The following ADGRV1 variants were observed in gnomAD, a reference collection of about 807,000 sequenced individuals.
The protein encoded by ADGRV1 is adhesion G protein-coupled receptor V1, also known as G-protein coupled receptor 98.
Under a neutral mutation model 596.2 loss-of-function variants are expected in ADGRV1, and 359 were observed. The ratio of observed to expected loss-of-function variants is 0.60; its 90% CI spans 0.55 to 0.66. The LOEUF is 0.66. Among genes scored for constraint, ADGRV1 ranks in the 30% least tolerant of loss-of-function variants. The pLI is 0.00. For missense variants in ADGRV1, 7,274 were observed against 7,575.6 expected (o/e 0.96, Z 1.48); for synonymous variants, 2,681 against 2,679.2 (o/e 1.00, Z -0.02).
chr5:91,049,997 A>G (rs1206970573), intron 85 of ADGRV1, among the ~76,000 whole-genome samples: 1 of 152,228 alleles, frequency 6.6e-6, no homozygotes, highest in East Asian at 1.9e-4. Flanking sequence ...GACATGAGTC[A>G]TGTGCGGGCC....
chr5:90,666,779 T>C (rs1771490807), intron 21 of ADGRV1, among the ~76,000 whole-genome samples: 1 of 151,956 alleles, frequency 6.6e-6, no homozygotes, highest in Non-Finnish European at 1.5e-5. Context: ...TAGCGCTTCC[T>C]TCAGGAGCTC....
At position 90,718,595 on chromosome 5, in the gene ADGRV1, A is replaced by G. The variant is rs543278719; in HGVS notation, c.9448-1453A>G. Reference sequence around the variant, plus strand: ...AATGATCATTTTATGTAACTTCAGCACATTTGCAAATGCATATTCATTGTC... The same window carrying G: ...AATGATCATTTTATGTAACTTCAGCGCATTTGCAAATGCATATTCATTGTC... On this transcript the variant is annotated intron_variant, in intron 43 of 89. Coordinates refer to ENST00000405460, the MANE Select transcript of ADGRV1 (RefSeq NM_032119.4). Among the ~76,000 whole-genome samples the G allele has an allele frequency of 1.2e-4, 18 of 152,262 alleles. No homozygotes were observed. In the South Asian group the frequency reaches 2.5e-3, roughly 21 times the overall value.
At chr5:90,852,699 G>C (rs13159353) in intron 79 of ADGRV1, among the ~76,000 whole-genome samples, 54,456 of 152,018 alleles carry the variant, frequency 0.36, 10,132 homozygotes, top group Non-Finnish European at 0.42. Context: ...CTGAGCCCAG[G>C]CTCTTATTAT....
At chr5:90,650,908 G>A (rs1435934526) in intron 17 of ADGRV1, among the ~76,000 whole-genome samples, 1 of 152,150 alleles carries the variant, frequency 6.6e-6, no homozygotes, top group Non-Finnish European at 1.5e-5. Context: ...GAGTGAAGAT[G>A]GGAAGGACTT....
At chr5:90,581,168 G>GT (rs1259729842) in intron 1 of ADGRV1, among the ~76,000 whole-genome samples, 1 of 152,080 alleles carries the variant, frequency 6.6e-6, no homozygotes, top group Non-Finnish European at 1.5e-5. Flanking sequence ...CTTTTTTCAA[G>GT]TTTTTTTAGC....
intron 1 of ADGRV1, among the ~76,000 whole-genome samples, chr5:90,578,043 T>C (rs996253274): frequency 6.6e-6 from 1 of 152,184 alleles, no homozygotes; most frequent in African/African-American, 2.4e-5. Flanking sequence ...AAATATACAA[T>C]CATGTCATCT....
chr5:90,747,305 G>A (rs1207412167), intron 52 of ADGRV1, among the ~76,000 whole-genome samples: 5 of 152,120 alleles, frequency 3.3e-5, no homozygotes, highest in African/African-American at 1.2e-4. Context: ...TAGGGGATGA[G>A]GTTCAACAGG....
intron 83 of ADGRV1, among the ~76,000 whole-genome samples, chr5:90,906,077 C>A (rs1357579109): frequency 6.6e-6 from 1 of 152,064 alleles, no homozygotes; most frequent in African/African-American, 2.4e-5. Context: ...CAAGATAAAT[C>A]CCACTTGACC....
intron 1 of ADGRV1, among the ~76,000 whole-genome samples, chr5:90,588,870 A>G (rs1396997065): frequency 6.6e-6 from 1 of 152,186 alleles, no homozygotes; most frequent in Non-Finnish European, 1.5e-5. Flanking sequence ...GTTGAAGTAA[A>G]CCAATTCATT....
chr5:90,595,380 G>GT (rs1760233975), intron 1 of ADGRV1, among the ~76,000 whole-genome samples: 2 of 36,690 alleles, frequency 5.5e-5, no homozygotes, highest in Non-Finnish European at 1.1e-4. Context: ...GGCTGGCCGG[G>GT]TGGGGGGCTG....
At chr5:90,911,336 CT>C (rs1772870916) in intron 83 of ADGRV1, among the ~76,000 whole-genome samples, 1 of 152,120 alleles carries the variant, frequency 6.6e-6, no homozygotes, top group African/African-American at 2.4e-5. Context: ...CTTTTGAACT[CT>C]TTCGTATTCT....
chr5:90,805,267 G>A lies in ADGRV1; in HGVS notation c.14662-17G>A. Reference sequence around the variant, plus strand: ...TTTAGAGAGAAATAAAATACTCTAAGCATGATTTTCCCTCAGGTCGGATTT... The same window carrying A: ...TTTAGAGAGAAATAAAATACTCTAAACATGATTTTCCCTCAGGTCGGATTT... On this transcript the variant is annotated splice_polypyrimidine_tract_variant and intron_variant, in intron 71 of 89. Transcript: ENST00000405460. 2 of 1,603,708 alleles carry A rather than the reference G, an allele frequency of 1.2e-6. No homozygotes were observed. The highest frequency in any genetic ancestry group is 1.7e-6 in the Non-Finnish European group (2 of 1,171,716).
rs951169584 is a variant in ADGRV1 at position 90,728,930 on chromosome 5, C to G, written c.10423C>G (p.Leu3475Val). The G allele has an allele frequency of 1.9e-6, 3 of 1,600,758 alleles. No homozygotes were observed. The highest frequency in any genetic ancestry group is 2.2e-5 in the South Asian group (2 of 90,410). The change falls in exon 49 of 90, where the codon CTA (leucine) becomes GTA (valine). Residue 3475 changes from leucine to valine, a missense_variant. Around this residue, in one of 5 missense-constraint regions of ADGRV1, gnomAD observed 3,643 missense variants for 3,809.2 expected, o/e 0.96. Coordinates refer to ENST00000405460, the MANE Select transcript of ADGRV1 (RefSeq NM_032119.4). ...IYLIFAENVF[L>V]GDQNSIDIFI... Reference sequence around the variant, plus strand: ...CCTAATATTTGCCGAAAATGTCTTTCTAGGTGAGAAGATAAAGTATTTGTA... The same window carrying G: ...CCTAATATTTGCCGAAAATGTCTTTGTAGGTGAGAAGATAAAGTATTTGTA...
intron 5 of ADGRV1, among the ~76,000 whole-genome samples, chr5:90,624,683 T>A (rs1219080507): frequency 6.6e-6 from 1 of 152,212 alleles, no homozygotes; most frequent in Admixed American, 6.5e-5. Context: ...CTGTGTTCAC[T>A]GCTAAATCTT....
intron 86 of ADGRV1, among the ~76,000 whole-genome samples, chr5:91,100,723 C>A (rs1228909666): frequency 6.6e-6 from 1 of 152,138 alleles, no homozygotes; most frequent in African/African-American, 2.4e-5. Flanking sequence ...ATTTGTGCAG[C>A]CATCATCTTA....
rs1756718489 is a variant in ADGRV1, at chr5:90,763,345, C to T, written c.12161C>T (p.Ser4054Leu). ...DESLSSDDPD[S>L]YVTLTVVRSP... ...TCCCTTTCATCCGATGACCCTGATTCATATGTGACATTGACGGTTGTCCGG... is the reference window on the plus strand; with the variant it reads ...TCCCTTTCATCCGATGACCCTGATTTATATGTGACATTGACGGTTGTCCGG... The change falls in exon 59 of 90, where the codon TCA becomes TTA. Residue 4054 changes from serine (S) to leucine (L), a missense_variant. Physicochemically the swap from Ser to Leu is moderately radical, Grantham distance 145 (BLOSUM62 -2). Transcript: ENST00000405460. The T allele has an allele frequency of 1.2e-6, 2 of 1,609,156 alleles. No homozygotes were observed. Among genetic ancestry groups the T allele is most frequent in the Non-Finnish European group, 1.7e-6 (2 of 1,176,656 alleles).
chr5:90,869,009 G>A (rs535967509), intron 83 of ADGRV1, among the ~76,000 whole-genome samples: 145 of 152,110 alleles, frequency 9.5e-4, no homozygotes, highest in African/African-American at 2.4e-3. Flanking sequence ...TTAAGATTGC[G>A]CAATGAGAAA....
intron 78 of ADGRV1, among the ~76,000 whole-genome samples, chr5:90,843,889 A>G (rs1026057888): frequency 3.9e-5 from 6 of 152,216 alleles, no homozygotes; most frequent in Admixed American, 6.5e-5. Context: ...TACATATTTT[A>G]TATTTTAAGC....
intron 58 of ADGRV1, chr5:90,762,664 T>G (rs1222186891): frequency 2.0e-5 from 3 of 152,170 alleles, no homozygotes; most frequent in Non-Finnish European, 2.9e-5. Context: ...TCTCCTCTCT[T>G]TATCTCAGAT....
Sources: allele counts gnomAD v4.1 joint callset (sites outside exome capture counted in the v4.1 genomes callset), GRCh38; gene constraint gnomAD v4.1.1; regional missense constraint gnomAD v4.1.1; transcripts MANE v1.5; gene names NCBI Gene and HGNC (gene_info 2026-07-23, HGNC 2026-07-21).